Variants in GPC5 observed in about 807,000 individuals in gnomAD.
The protein encoded by GPC5 is glypican-5.
Under a neutral mutation model 53.9 loss-of-function variants are expected in GPC5, and 47 were observed. That is an observed-to-expected ratio of 0.87 (90% CI 0.69 to 1.11). The LOEUF (loss-of-function observed/expected upper bound fraction) is 1.11. Ranked by LOEUF, GPC5 falls within the 50% of genes most tolerant of loss-of-function variation. The pLI is 0.00. For missense variants in GPC5, 748 were observed against 713.1 expected (o/e 1.05, Z -0.56); for synonymous variants, 286 against 263.3 (o/e 1.09, Z -0.84).
chr13:91,486,129 C>T (rs1386952447), intron 2 of GPC5: 1 of 152,018 alleles, frequency 6.6e-6, no homozygotes, highest in Non-Finnish European at 1.5e-5. Flanking sequence ...AGTTTCACAG[C>T]TACTATAATG....
Position 91,403,455 on chromosome 13 carries a change from T to C in GPC5, c.163+4246T>C, listed in dbSNP as rs114396052. On this transcript the variant is annotated intron_variant, in intron 1 of 7. Transcript: ENST00000377067. ...TATTTTGGTAACTTTTATCTAGGTG[T>C]TAGAAAGATTAAGGTGGGGTAGTTG... 2.5e-3 allele frequency among the ~76,000 whole-genome samples: 379 copies of C among 152,182 alleles called. 1 individual carries two copies. The highest frequency in any genetic ancestry group is 8.4e-3 in the African/African-American group (350 of 41,512).
At chr13:92,645,651 A>T (rs2139157323) in intron 7 of GPC5, among the ~76,000 whole-genome samples, 1 of 152,224 alleles carries the variant, frequency 6.6e-6, no homozygotes, top group Admixed American at 6.5e-5. Context: ...CTCATCAAAA[A>T]CATATGAGAG....
chr13:91,579,561 T>G (rs540852187), intron 2 of GPC5, among the ~76,000 whole-genome samples: 43 of 152,238 alleles, frequency 2.8e-4, no homozygotes, highest in Middle Eastern at 3.4e-3. Context: ...CCTAGTGTTC[T>G]TACTCCTTAA....
chr13:92,095,638 G>T (rs1051052738), intron 6 of GPC5, among the ~76,000 whole-genome samples: 8 of 152,112 alleles, frequency 5.3e-5, no homozygotes, highest in African/African-American at 1.9e-4. Flanking sequence ...GGGTTCAAGC[G>T]ATTCTACTGC....
intron 2 of GPC5, among the ~76,000 whole-genome samples, chr13:91,554,220 C>T (rs189720372): frequency 1.3e-5 from 2 of 151,990 alleles, no homozygotes; most frequent in African/African-American, 4.8e-5. Flanking sequence ...GGCTAGGAAA[C>T]ATGCACATAA....
intron 7 of GPC5, among the ~76,000 whole-genome samples, chr13:92,466,536 A>C (rs1878697697): frequency 6.6e-6 from 1 of 151,526 alleles, no homozygotes; most frequent in Non-Finnish European, 1.5e-5. Flanking sequence ...TGAGATTTTG[A>C]CTTTTTACTT....
intron 6 of GPC5, among the ~76,000 whole-genome samples, chr13:91,977,766 C>A (rs560848247): frequency 6.6e-6 from 1 of 152,122 alleles, no homozygotes; most frequent in Non-Finnish European, 1.5e-5. Flanking sequence ...TTAGCCTCCC[C>A]ACATAATTTA....
At chr13:91,611,272 G>C (rs1476630271) in intron 2 of GPC5, among the ~76,000 whole-genome samples, 1 of 152,168 alleles carries the variant, frequency 6.6e-6, no homozygotes, top group Non-Finnish European at 1.5e-5. Flanking sequence ...TTTTCTGTAT[G>C]AATTTCTTAT....
chr13:92,239,304 C>T (rs1411754), intron 7 of GPC5, among the ~76,000 whole-genome samples: 85,085 of 151,354 alleles, frequency 0.56, 24,150 homozygotes, highest in South Asian at 0.65. Flanking sequence ...AGAGTTTTGC[C>T]ATCTTAAAAA....
intron 2 of GPC5, among the ~76,000 whole-genome samples, chr13:91,545,802 C>G (rs1291249307): frequency 6.6e-6 from 1 of 151,988 alleles, no homozygotes; most frequent in Non-Finnish European, 1.5e-5. Flanking sequence ...TGATATTTGT[C>G]TTGCTGTTAT....
intron 7 of GPC5, among the ~76,000 whole-genome samples, chr13:92,320,382 T>G (rs2043207921): frequency 6.6e-6 from 1 of 152,206 alleles, no homozygotes; most frequent in Admixed American, 6.6e-5. Context: ...AGACCTAGTT[T>G]ACTCCATTGA....
intron 7 of GPC5, among the ~76,000 whole-genome samples, chr13:92,672,383 A>G (rs773790905): frequency 2.0e-5 from 3 of 152,192 alleles, no homozygotes; most frequent in African/African-American, 4.8e-5. Flanking sequence ...TCAAAAAATA[A>G]CAGATGATGG....
intron 5 of GPC5, among the ~76,000 whole-genome samples, chr13:91,777,933 G>T (rs1383771941): frequency 6.6e-6 from 1 of 152,056 alleles, no homozygotes; most frequent in Non-Finnish European, 1.5e-5. Context: ...GCTTGGCACC[G>T]CAATAGACTC....
At chr13:92,580,638 G>C (rs1883341465) in intron 7 of GPC5, among the ~76,000 whole-genome samples, 1 of 152,110 alleles carries the variant, frequency 6.6e-6, no homozygotes, top group Non-Finnish European at 1.5e-5. Context: ...TTTTCTAATG[G>C]TGGAAGGCAA....
At chr13:92,612,967 C>A (rs1884489293) in intron 7 of GPC5, among the ~76,000 whole-genome samples, 3 of 151,624 alleles carry the variant, frequency 2.0e-5, no homozygotes, top group Non-Finnish European at 4.4e-5. Context: ...TATAACACTC[C>A]TAGTAGGCAC....
chr13:92,233,912 G>T (rs1340231499), intron 7 of GPC5, among the ~76,000 whole-genome samples: 2 of 151,726 alleles, frequency 1.3e-5, no homozygotes, highest in Non-Finnish European at 2.9e-5. Context: ...TCTGGTGTTT[G>T]GTTTTTTGTC....
chr13:91,797,566 G>A (rs1029464544), intron 5 of GPC5, among the ~76,000 whole-genome samples: 1 of 152,070 alleles, frequency 6.6e-6, no homozygotes, highest in African/African-American at 2.4e-5. Flanking sequence ...AAGATATTTA[G>A]TAAAAAGATA....
At chr13:91,977,951 AG>A (rs200180999) in intron 6 of GPC5, among the ~76,000 whole-genome samples, 84,257 of 143,268 alleles carry the variant, frequency 0.59, 25,146 homozygotes, top group East Asian at 0.76. Context: ...CATCTCTAAA[AG>A]AAAAAAGAAA....
At chr13:91,903,061 T>C (rs1480816925) in intron 5 of GPC5, among the ~76,000 whole-genome samples, 1 of 151,866 alleles carries the variant, frequency 6.6e-6, no homozygotes, top group Non-Finnish European at 1.5e-5. Flanking sequence ...TTAGCACTTC[T>C]GTGTATCCAA....
Sources: allele counts gnomAD v4.1 joint callset (sites outside exome capture counted in the v4.1 genomes callset), GRCh38; gene constraint gnomAD v4.1.1; transcripts MANE v1.5; gene names NCBI Gene and HGNC (gene_info 2026-07-23, HGNC 2026-07-21).